PCMT1: variants seen among roughly 807,000 people sequenced by gnomAD.
PCMT1 encodes protein-L-isoaspartate (D-aspartate) O-methyltransferase.
PCMT1 carries 9 observed loss-of-function variants against 29.2 expected under a neutral mutation model. That is an observed-to-expected ratio of 0.31 (90% confidence interval 0.19 to 0.54). The LOEUF is 0.54. Among genes scored for constraint, PCMT1 ranks in the 20% least tolerant of loss-of-function variants. PCMT1 has a pLI of 0.95. For synonymous variants in PCMT1, 98 were observed against 97.5 expected, an observed-to-expected ratio of 1.00 and a Z score of -0.03; for missense variants, 184 against 282.2, an observed-to-expected ratio of 0.65 and a Z score of 2.49.
intron 3 of PCMT1, among the ~76,000 whole-genome samples, chr6:149,779,632 A>G (rs1787730192): frequency 6.6e-6 from 1 of 152,092 alleles, no homozygotes; most frequent in African/African-American, 2.4e-5. Flanking sequence ...CAACATGGCA[A>G]TATCCCGTCT....
chr6:149,781,190 G>GTT (rs1267846983), intron 3 of PCMT1, among the ~76,000 whole-genome samples: 34 of 50,914 alleles, frequency 6.7e-4, no homozygotes, highest in South Asian at 1.7e-3. Context: ...CCCCTTTCTT[G>GTT]TTTTTTTTTT....
intron 3 of PCMT1, among the ~76,000 whole-genome samples, chr6:149,784,728 A>T (rs1008262740): frequency 6.6e-5 from 10 of 152,030 alleles, no homozygotes; most frequent in Admixed American, 2.0e-4. Flanking sequence ...CCTCCCAAAG[A>T]CTGGGATTAC....
chr6:149,766,974 G>C (rs1787110343), intron 1 of PCMT1, among the ~76,000 whole-genome samples: 2 of 152,176 alleles, frequency 1.3e-5, no homozygotes, highest in Admixed American at 6.5e-5. Context: ...ACTTTGGGAG[G>C]CTGAGGTGGG....
intron 2 of PCMT1, 148 bp downstream of exon 2, chr6:149,771,414 A>C: frequency 2.0e-6 from 1 of 497,738 alleles, no homozygotes; most frequent in Non-Finnish European, 3.5e-6. Flanking sequence ...AATCCCAAAC[A>C]TACCTATTTT....
chr6:149,809,806 T>C (rs1396874319), intron 7 of PCMT1, among the ~76,000 whole-genome samples: 2 of 152,116 alleles, frequency 1.3e-5, no homozygotes, highest in Admixed American at 6.5e-5. Flanking sequence ...TATATACATA[T>C]ATGTAATTTT....
chr6:149,805,939 CAA>C (rs58998570), intron 7 of PCMT1, among the ~76,000 whole-genome samples: 2,819 of 86,110 alleles, frequency 0.033, 69 homozygotes, highest in African/African-American at 0.076. Flanking sequence ...GACTCTGTCT[CAA>C]AAAAAAAAAA....
chr6:149,796,397 T>C lies in PCMT1; in HGVS notation c.419-18T>C, dbSNP rs1486081906. On this transcript the variant is annotated intron_variant, in intron 5 of 7. Transcript: ENST00000464889. ...TTGATCTAAACAGGTTTTTAAAGCA[T>C]AGCTGTTTTTCTTTCAGTGGGGGAT... 6.3e-7 allele frequency: 1 copy of C among 1,587,604 alleles called. No individual in the cohort carries two copies. Among genetic ancestry groups the C allele is most frequent in the Non-Finnish European group, 8.6e-7 (1 of 1,158,340 alleles).
Position 149,804,534 on chromosome 6 carries a change from C to T in PCMT1, c.*37+2118C>T, listed in dbSNP as rs144954483. On this transcript the variant is annotated intron_variant, in intron 7 of 7. Transcript: ENST00000464889. ...ATTTAAAAAAGTGTTTTTTTTGAGA[C>T]GGAGTCCTGCTCTGTTACCCAGGCT... Among the ~76,000 whole-genome samples the T allele has an allele frequency of 9.8e-4, 149 of 151,970 alleles. 1 individual carries two copies. Among genetic ancestry groups the T allele is most frequent in the African/African-American group, 3.3e-3 (136 of 41,468 alleles).
chr6:149,804,099 AAAAATT>A (rs1360591927), intron 7 of PCMT1, among the ~76,000 whole-genome samples: 2 of 151,604 alleles, frequency 1.3e-5, no homozygotes, highest in Admixed American at 1.3e-4. Flanking sequence ...AAAAAAAAAA[AAAAATT>A]AAAAAGGCAT....
intron 1 of PCMT1, among the ~76,000 whole-genome samples, chr6:149,763,226 ATATC>A (rs1300436991): frequency 6.2e-5 from 4 of 64,224 alleles, no homozygotes; most frequent in Non-Finnish European, 9.6e-5. Flanking sequence ...TATGATATAA[ATATC>A]TATGATATCT....
chr6:149,771,110 T>C, intron 1 of PCMT1, 52 bp from the exon 2 acceptor site: 1 of 1,056,394 alleles, frequency 9.5e-7, no homozygotes, highest in Non-Finnish European at 1.5e-6. Flanking sequence ...TATTCTAAAA[T>C]ATCTCTGATC....
intron 5 of PCMT1, 127 bp downstream of exon 5, chr6:149,793,796 A>G (rs1041867302): frequency 6.5e-6 from 5 of 774,338 alleles, no homozygotes; most frequent in Admixed American, 4.3e-5. Flanking sequence ...AGTACTAAAA[A>G]ATAAAAACGA....
chr6:149,776,741 A>G, intron 3 of PCMT1, among the ~76,000 whole-genome samples: 1 of 152,132 alleles, frequency 6.6e-6, no homozygotes, highest in East Asian at 1.9e-4. Flanking sequence ...GTAAATTGCA[A>G]ATTAGCACTA....
chr6:149,780,448 T>C (rs1397058163), intron 3 of PCMT1, among the ~76,000 whole-genome samples: 1 of 152,110 alleles, frequency 6.6e-6, no homozygotes, highest in East Asian at 1.9e-4. Context: ...ATCAGCACTC[T>C]CTAATATGAG....
intron 3 of PCMT1, among the ~76,000 whole-genome samples, chr6:149,784,475 CTTT>C (rs1262165514): frequency 2.8e-5 from 4 of 145,278 alleles, no homozygotes; most frequent in Admixed American, 1.4e-4. Flanking sequence ...TTAACTCTCT[CTTT>C]TTTTTTTTTT....
At chr6:149,771,056 C>T (rs1055495932) in intron 1 of PCMT1, 106 bp from the exon 2 acceptor site, 7 of 574,400 alleles carry the variant, frequency 1.2e-5, no homozygotes, top group South Asian at 2.9e-5. Context: ...AACTTCCAAT[C>T]ATTCTCTCTT....
intron 3 of PCMT1, among the ~76,000 whole-genome samples, chr6:149,778,139 A>C (rs1787653163): frequency 1.3e-5 from 2 of 151,452 alleles, no homozygotes. Context: ...GGCCTCCCAA[A>C]GTGCTGGGAT....
intron 6 of PCMT1, chr6:149,798,316 A>G (rs1788697314): frequency 1.3e-5 from 2 of 152,226 alleles, no homozygotes; most frequent in Non-Finnish European, 2.9e-5. Flanking sequence ...TTCAAAAAAA[A>G]TATTGATAAC....
intron 7 of PCMT1, among the ~76,000 whole-genome samples, chr6:149,802,775 C>T (rs748286721): frequency 6.6e-6 from 1 of 151,930 alleles, no homozygotes; most frequent in Non-Finnish European, 1.5e-5. Flanking sequence ...TAAAAGAGGC[C>T]AGGCGGAGTG....
Sources: allele counts gnomAD v4.1 joint callset (sites outside exome capture counted in the v4.1 genomes callset), GRCh38; gene constraint gnomAD v4.1.1; transcripts MANE v1.5; gene names NCBI Gene and HGNC (gene_info 2026-07-23, HGNC 2026-07-21).